Variants in RGS13 observed in about 807,000 individuals in gnomAD.
RGS13 encodes regulator of G protein signaling 13, also known as regulator of G-protein signalling 13.
In RGS13, 14 loss-of-function variants were observed where a neutral mutation model predicts 19.9. The ratio of observed to expected loss-of-function variants is 0.70; its 90% CI spans 0.46 to 1.10. The LOEUF (loss-of-function observed/expected upper bound fraction) is 1.10, where lower values mean the gene tolerates loss of function less well. Ranked by LOEUF, RGS13 falls within the 50% of genes least tolerant of loss-of-function variation. RGS13 has a pLI of 0.00. For synonymous variants in RGS13, 60 were observed against 56.8 expected (o/e 1.06, Z -0.25); for missense variants, 205 against 187.1 (o/e 1.10, Z -0.56).
Position 192,659,560 on chromosome 1 carries a change from G to T in RGS13, c.*37G>T. On this transcript the variant is annotated 3_prime_UTR_variant, in exon 7 of 7. Transcript: ENST00000391995. ...AAGTTTAAATAGAAAACAGTATATT[G>T]AAAGTGGTGGGTTTGATCTTTTTAT... 1 of 1,440,944 alleles carries T rather than the reference G, an allele frequency of 6.9e-7. No individual in the cohort carries two copies. The highest frequency in any genetic ancestry group is 2.1e-5 in the Admixed American group (1 of 48,524). The allele number at this position is 1,440,944 out of a possible 1,614,324, so 89.3% of individuals were successfully genotyped here. A position where few individuals can be genotyped will look rare whatever the true frequency, so the allele number is the denominator to read the frequency against.
chr1:192,645,029 T>C (rs1340178368), intron 4 of RGS13: 2 of 152,240 alleles, frequency 1.3e-5, no homozygotes, highest in Admixed American at 6.6e-5. Flanking sequence ...TCAGAGCCCC[T>C]GGCATGAATG....
chr1:192,648,114 T>A (rs1330814984), intron 5 of RGS13, 127 bp downstream of exon 5: 6 of 530,414 alleles, frequency 1.1e-5, no homozygotes, highest in African/African-American at 5.9e-5. Context: ...ACTGACACAG[T>A]TAAAAAAAGA....
At chr1:192,657,873 C>T (rs1663471414) in intron 5 of RGS13, among the ~76,000 whole-genome samples, 1 of 152,100 alleles carries the variant, frequency 6.6e-6, no homozygotes, top group African/African-American at 2.4e-5. Flanking sequence ...AGCCCCCGTC[C>T]TCCTGAGCAG....
intron 5 of RGS13, among the ~76,000 whole-genome samples, chr1:192,657,646 A>G (rs1198183374): frequency 6.6e-6 from 1 of 152,098 alleles, no homozygotes; most frequent in East Asian, 1.9e-4. Flanking sequence ...TGAACCATAA[A>G]CCATGAATAT....
In RGS13 at chr1:192,659,350, A is replaced by T; in HGVS notation, c.307A>T (p.Ser103Cys). Residue 103 changes from serine to cysteine, a missense_variant, in exon 7 of 7, where the codon AGT becomes TGT. By Grantham distance (112) the Ser-to-Cys change is moderately radical (BLOSUM62 -1). Coordinates refer to ENST00000391995, the MANE Select transcript of RGS13 (RefSeq NM_002927.5). Reference sequence around the variant, plus strand: ...TTTCACTTTTCAGATTAACATTGACAGTTCGACAAGAGAGACTATCATCAG... The same window carrying T: ...TTTCACTTTTCAGATTAACATTGACTGTTCGACAAGAGAGACTATCATCAG... The part of the protein sequence containing the change: ...PQSPREINID[S>C]STRETIIRNI... 6.2e-7 allele frequency: 1 copy of T among 1,610,516 alleles called. No homozygotes were observed. Among genetic ancestry groups the T allele is most frequent in the Non-Finnish European group, 8.5e-7 (1 of 1,178,704 alleles).
At chr1:192,652,321 A>G (rs1330333870) in intron 5 of RGS13, among the ~76,000 whole-genome samples, 1 of 152,032 alleles carries the variant, frequency 6.6e-6, no homozygotes, top group Non-Finnish European at 1.5e-5. Context: ...TCCCTTTTGT[A>G]CATCCTGATC....
chr1:192,647,896 C>T (rs1373503149), intron 4 of RGS13, 30 bp from the exon 5 acceptor site: 3 of 1,492,502 alleles, frequency 2.0e-6, no homozygotes, highest in Non-Finnish European at 2.7e-6. Flanking sequence ...AATATTTAGC[C>T]CAATCAGTGC....
Position 192,644,360 on chromosome 1 carries a change from G to C in RGS13, c.26G>C (p.Cys9Ser). The change falls in exon 4 of 7, where the codon TGT (cysteine) becomes TCT (serine). Residue 9 changes from cysteine (C) to serine (S), a missense_variant. Coordinates refer to ENST00000391995, the MANE Select transcript of RGS13 (RefSeq NM_002927.5). ...ATGAGCAGGCGGAATTGTTGGATTT[G>C]TAAGATGTGCAGAGATGAATCTAAG... MSRRNCWI[C>S]KMCRDESKRP... 3 of 1,611,706 alleles carry C rather than the reference G, an allele frequency of 1.9e-6. No individual in the cohort carries two copies. The highest frequency in any genetic ancestry group is 1.7e-6 in the Non-Finnish European group (2 of 1,178,484).
chr1:192,652,029 C>T (rs1383724016), intron 5 of RGS13, among the ~76,000 whole-genome samples: 2 of 152,060 alleles, frequency 1.3e-5, no homozygotes, highest in Non-Finnish European at 2.9e-5. Flanking sequence ...ACACGCAGAG[C>T]AGATATTAAG....
At chr1:192,643,440 TATG>T (rs1399708765) in intron 3 of RGS13, among the ~76,000 whole-genome samples, 2 of 131,100 alleles carry the variant, frequency 1.5e-5, no homozygotes, top group Admixed American at 1.5e-4. Context: ...AAAAACCTTC[TATG>T]ATATGTATTG....
intron 5 of RGS13, among the ~76,000 whole-genome samples, chr1:192,652,295 T>C (rs1440791492): frequency 3.3e-5 from 5 of 152,054 alleles, no homozygotes; most frequent in Admixed American, 2.6e-4. Flanking sequence ...TAGAAGTTAC[T>C]GATGGTTATT....
At chr1:192,649,967 C>T (rs1663306400) in intron 5 of RGS13, among the ~76,000 whole-genome samples, 2 of 152,032 alleles carry the variant, frequency 1.3e-5, no homozygotes, top group African/African-American at 4.8e-5. Context: ...TCTCATTTAC[C>T]TTTCAAACCC....
At chr1:192,653,342 C>T (rs147437244) in intron 5 of RGS13, among the ~76,000 whole-genome samples, 8 of 152,044 alleles carry the variant, frequency 5.3e-5, no homozygotes, top group East Asian at 1.9e-4. Flanking sequence ...GATTGGAGAG[C>T]GTGGAGTAAG....
chr1:192,636,519 T>C (rs1663021788), intron 1 of RGS13, among the ~76,000 whole-genome samples: 1 of 152,032 alleles, frequency 6.6e-6, no homozygotes, highest in Non-Finnish European at 1.5e-5. Flanking sequence ...ACTCCTTATA[T>C]AAATAAATCT....
intron 5 of RGS13, among the ~76,000 whole-genome samples, chr1:192,652,506 G>A (rs1663360308): frequency 6.6e-6 from 1 of 151,772 alleles, no homozygotes; most frequent in Non-Finnish European, 1.5e-5. Flanking sequence ...TTTCCACTTA[G>A]CACTTTTTGT....
At chr1:192,653,040 A>G (rs1663370277) in intron 5 of RGS13, among the ~76,000 whole-genome samples, 1 of 152,138 alleles carries the variant, frequency 6.6e-6, no homozygotes, top group Non-Finnish European at 1.5e-5. Context: ...TAGATGAATC[A>G]AGGCTTCTTC....
intron 3 of RGS13, among the ~76,000 whole-genome samples, chr1:192,641,277 A>G (rs1663113164): frequency 1.7e-5 from 2 of 114,342 alleles, no homozygotes; most frequent in African/African-American, 5.3e-5. Flanking sequence ...AAAGAAAGAA[A>G]GAAAGAAAGA....
chr1:192,648,863 C>A (rs546795151), intron 5 of RGS13, among the ~76,000 whole-genome samples: 27 of 152,154 alleles, frequency 1.8e-4, no homozygotes, highest in Admixed American at 1.3e-3. Flanking sequence ...CTATTCTGGG[C>A]AAGGTACCCC....
intron 3 of RGS13, among the ~76,000 whole-genome samples, chr1:192,643,849 G>A (rs1663168336): frequency 6.6e-6 from 1 of 152,108 alleles, no homozygotes; most frequent in Non-Finnish European, 1.5e-5. Flanking sequence ...CTACTCCAGA[G>A]GTTGAGGTGG....
Sources: allele counts gnomAD v4.1 joint callset (sites outside exome capture counted in the v4.1 genomes callset), GRCh38; gene constraint gnomAD v4.1.1; transcripts MANE v1.5; gene names NCBI Gene and HGNC (gene_info 2026-07-23, HGNC 2026-07-21).